The following CCDC91 variants were observed in gnomAD, a reference collection of about 807,000 sequenced individuals.
The protein encoded by CCDC91 is coiled-coil domain containing 91, also known as coiled-coil domain-containing protein 91.
In CCDC91, 48 loss-of-function variants were observed where a neutral mutation model predicts 63.2. The observed-to-expected ratio is 0.76, with a 90% CI of 0.60 to 0.97. The LOEUF (loss-of-function observed/expected upper bound fraction) is 0.97. Ranked by LOEUF, CCDC91 falls within the 50% of genes least tolerant of loss-of-function variation. CCDC91 has a pLI of 0.00. For synonymous variants in CCDC91, 167 were observed against 165.8 expected, an observed-to-expected ratio of 1.01 and a Z score of -0.06; for missense variants, 500 against 494.6, an observed-to-expected ratio of 1.01 and a Z score of -0.10.
intron 1 of CCDC91, among the ~76,000 whole-genome samples, chr12:28,222,485 T>C (rs1353553969): frequency 2.6e-5 from 4 of 152,238 alleles, no homozygotes; most frequent in Admixed American, 2.0e-4. Context: ...CTATATTTTT[T>C]GGTAGTTCCT....
intron 3 of CCDC91, among the ~76,000 whole-genome samples, chr12:28,293,245 G>T (rs945415878): frequency 6.6e-6 from 1 of 152,228 alleles, no homozygotes; most frequent in Non-Finnish European, 1.5e-5. Flanking sequence ...AGAAGTAAGA[G>T]AACTGAAAAT....
intron 6 of CCDC91, among the ~76,000 whole-genome samples, chr12:28,313,969 T>A (rs12371974): frequency 0.2 from 30,475 of 151,956 alleles, 4,003 homozygotes; most frequent in Non-Finnish European, 0.3. Flanking sequence ...ATAGCACATG[T>A]CCTCATGCTG....
intron 1 of CCDC91, among the ~76,000 whole-genome samples, chr12:28,209,273 C>T (rs1943069165): frequency 6.6e-6 from 1 of 152,094 alleles, no homozygotes; most frequent in Non-Finnish European, 1.5e-5. Flanking sequence ...CCTTTTATAA[C>T]CTTTTACAAT....
intron 3 of CCDC91, among the ~76,000 whole-genome samples, chr12:28,279,007 A>G (rs1230451132): frequency 6.6e-6 from 1 of 152,028 alleles, no homozygotes; most frequent in African/African-American, 2.4e-5. Flanking sequence ...GATTACAATG[A>G]TAATATATAC....
At chr12:28,236,530 C>T (rs953494344) in intron 1 of CCDC91, 5 of 151,922 alleles carry the variant, frequency 3.3e-5, no homozygotes, top group African/African-American at 9.6e-5. Context: ...GAGACCTCTG[C>T]ATCCAAAATA....
At chr12:28,540,193 A>G (rs1320357965) in intron 12 of CCDC91, among the ~76,000 whole-genome samples, 1 of 152,122 alleles carries the variant, frequency 6.6e-6, no homozygotes, top group Non-Finnish European at 1.5e-5. Flanking sequence ...AGAAAGTAGT[A>G]AGTAGTCTGT....
intron 6 of CCDC91, among the ~76,000 whole-genome samples, chr12:28,353,187 C>A (rs1430986181): frequency 6.6e-6 from 1 of 152,230 alleles, no homozygotes; most frequent in Non-Finnish European, 1.5e-5. Flanking sequence ...AGCTTCCTAA[C>A]CTTTCTCAGC....
At chr12:28,228,546 G>A (rs1436618651) in intron 1 of CCDC91, among the ~76,000 whole-genome samples, 1 of 151,956 alleles carries the variant, frequency 6.6e-6, no homozygotes, top group African/African-American at 2.4e-5. Flanking sequence ...CCTTCTAATA[G>A]TGGGAAATTT....
chr12:28,338,595 G>T (rs976370594), intron 6 of CCDC91, among the ~76,000 whole-genome samples: 1 of 152,010 alleles, frequency 6.6e-6, no homozygotes, highest in Non-Finnish European at 1.5e-5. Context: ...CCAAGGTAAG[G>T]ATTTTGGATT....
At chr12:28,197,595 G>A (rs1413230873) in intron 1 of CCDC91, among the ~76,000 whole-genome samples, 1 of 152,070 alleles carries the variant, frequency 6.6e-6, no homozygotes, top group Non-Finnish European at 1.5e-5. Context: ...AAGTGGTAGA[G>A]CTTGAGTTTG....
chr12:28,515,661 T>C (rs768945932), intron 12 of CCDC91, among the ~76,000 whole-genome samples: 3 of 151,958 alleles, frequency 2.0e-5, no homozygotes, highest in African/African-American at 4.8e-5. Context: ...GTAATGCTGA[T>C]TATCAATAAT....
chr12:28,207,103 A>G lies in CCDC91; in HGVS notation c.-15+16462A>G, dbSNP rs187773118. ...AAATGAAAGTATATCCTGTAAGTGC[A>G]TACAACAGACCTTTTTTCCACTTCT... On this transcript the variant is annotated intron_variant, in intron 1 of 12. Transcript: ENST00000536442. 2.1e-3 allele frequency among the ~76,000 whole-genome samples: 327 copies of G among 152,364 alleles called. 1 individual carries two copies. The highest frequency in any genetic ancestry group is 3.0e-3 in the Non-Finnish European group (206 of 68,034).
chr12:28,428,220 G>A (rs908266084), intron 8 of CCDC91, among the ~76,000 whole-genome samples: 5 of 152,026 alleles, frequency 3.3e-5, no homozygotes, highest in African/African-American at 1.2e-4. Context: ...GGGGCAGGGA[G>A]TATATTGTAT....
chr12:28,528,793 C>T (rs1400569324), intron 12 of CCDC91, among the ~76,000 whole-genome samples: 2 of 151,828 alleles, frequency 1.3e-5, no homozygotes, highest in Non-Finnish European at 2.9e-5. Context: ...TCAGGCTGGG[C>T]GATCTTAGCT....
chr12:28,276,483 A>G (rs1948235059), intron 3 of CCDC91, among the ~76,000 whole-genome samples: 1 of 151,972 alleles, frequency 6.6e-6, no homozygotes, highest in Admixed American at 6.6e-5. Context: ...AATTATATGA[A>G]TGGTGGAAAA....
chr12:28,523,376 A>G (rs1306293089), intron 12 of CCDC91, among the ~76,000 whole-genome samples: 3 of 152,052 alleles, frequency 2.0e-5, no homozygotes, highest in Non-Finnish European at 4.4e-5. Flanking sequence ...AGTCTGTTTT[A>G]TCAGAGACTA....
At chr12:28,336,297 C>T (rs1305661864) in intron 6 of CCDC91, among the ~76,000 whole-genome samples, 7 of 152,032 alleles carry the variant, frequency 4.6e-5, no homozygotes, top group Non-Finnish European at 1.0e-4. Flanking sequence ...GAATCTGATT[C>T]ATAGGTACTC....
chr12:28,419,702 G>C (rs1295255288), intron 8 of CCDC91, among the ~76,000 whole-genome samples: 1 of 151,782 alleles, frequency 6.6e-6, no homozygotes, highest in East Asian at 1.9e-4. Flanking sequence ...CATTTACTAT[G>C]TGCCAAGTAA....
intron 11 of CCDC91, among the ~76,000 whole-genome samples, chr12:28,468,765 G>C (rs186164992): frequency 6.6e-6 from 1 of 152,128 alleles, no homozygotes; most frequent in Admixed American, 6.6e-5. Context: ...TAACCTTTGG[G>C]ATGCAAGGAC....
Sources: allele counts gnomAD v4.1 joint callset (sites outside exome capture counted in the v4.1 genomes callset), GRCh38; gene constraint gnomAD v4.1.1; transcripts MANE v1.5; gene names NCBI Gene and HGNC (gene_info 2026-07-23, HGNC 2026-07-21).